The following PSD3 variants were observed in gnomAD, a reference collection of about 807,000 sequenced individuals.
The protein encoded by PSD3 is pleckstrin and Sec7 domain containing 3, also known as PH and SEC7 domain-containing protein 3.
Under a neutral mutation model 105.5 loss-of-function variants are expected in PSD3, and 49 were observed. The ratio of observed to expected loss-of-function variants is 0.46; its 90% CI spans 0.37 to 0.59. PSD3 has a LOEUF of 0.59. PSD3 is among the 20% of genes least tolerant of loss of function. The pLI, the probability that PSD3 is intolerant of heterozygous loss-of-function variation, is 0.00. For missense variants in PSD3, 1,561 were observed against 1,263.8 expected (o/e 1.24, Z -3.57); for synonymous variants, 557 against 457.8 (o/e 1.22, Z -2.77).
intron 12 of PSD3, among the ~76,000 whole-genome samples, chr8:18,599,330 C>T (rs1482553678): frequency 6.6e-6 from 1 of 152,110 alleles, no homozygotes; most frequent in Admixed American, 6.6e-5. Context: ...CTTTGGAAAA[C>T]CATATGGAGT....
intron 15 of PSD3, among the ~76,000 whole-genome samples, chr8:18,538,614 G>A (rs188042040): frequency 3.9e-5 from 6 of 152,252 alleles, no homozygotes; most frequent in East Asian, 1.9e-4. Flanking sequence ...AAGCTGGAGC[G>A]TTGACACAAT....
chr8:18,714,075 C>A (rs1802423739), intron 9 of PSD3, among the ~76,000 whole-genome samples: 1 of 152,130 alleles, frequency 6.6e-6, no homozygotes, highest in Non-Finnish European at 1.5e-5. Context: ...ACTGGCTAGC[C>A]ATATGCATAA....
At chr8:18,730,931 A>G (rs996075465) in intron 9 of PSD3, among the ~76,000 whole-genome samples, 1 of 152,194 alleles carries the variant, frequency 6.6e-6, no homozygotes, top group Non-Finnish European at 1.5e-5. Flanking sequence ...GTACCTAGCT[A>G]AGGTCGAAAG....
intron 9 of PSD3, among the ~76,000 whole-genome samples, chr8:18,729,708 C>T (rs1386301793): frequency 2.6e-5 from 4 of 152,162 alleles, no homozygotes; most frequent in African/African-American, 4.8e-5. Flanking sequence ...AAATAGCTTG[C>T]ACTCTCTCTG....
intron 8 of PSD3, chr8:18,774,625 T>C (rs1464491813): frequency 5.2e-6 from 2 of 386,750 alleles, no homozygotes; most frequent in South Asian, 4.1e-5. Context: ...AGGTTCTCCC[T>C]ATGCTTGTTC....
intron 10 of PSD3, among the ~76,000 whole-genome samples, chr8:18,633,644 C>G (rs1051346361): frequency 1.3e-5 from 2 of 152,056 alleles, no homozygotes; most frequent in Non-Finnish European, 2.9e-5. Flanking sequence ...ACCATATTTT[C>G]TCTATCCAGT....
chr8:18,904,135 A>G (rs1586377991), intron 2 of PSD3, among the ~76,000 whole-genome samples: 1 of 152,182 alleles, frequency 6.6e-6, no homozygotes, highest in Non-Finnish European at 1.5e-5. Flanking sequence ...CTCATGGTAC[A>G]TGGCAAAGGG....
At chr8:18,583,443 A>T (rs193002386) in intron 12 of PSD3, among the ~76,000 whole-genome samples, 1 of 152,218 alleles carries the variant, frequency 6.6e-6, no homozygotes, top group Admixed American at 6.5e-5. Context: ...AAAAATAAGT[A>T]AAATAATCAG....
At chr8:18,650,504 T>C (rs1290544049) in intron 10 of PSD3, among the ~76,000 whole-genome samples, 2 of 152,254 alleles carry the variant, frequency 1.3e-5, no homozygotes, top group Non-Finnish European at 2.9e-5. Context: ...CTATATGACG[T>C]AGCAGAGACC....
chr8:18,766,379 C>A (rs142143330), intron 8 of PSD3, among the ~76,000 whole-genome samples: 2 of 152,072 alleles, frequency 1.3e-5, no homozygotes, highest in African/African-American at 4.8e-5. Context: ...CACATACATA[C>A]AATTTTACTG....
intron 1 of PSD3, among the ~76,000 whole-genome samples, chr8:19,049,651 A>G (rs1390798237): frequency 1.5e-5 from 2 of 136,130 alleles, no homozygotes; most frequent in African/African-American, 5.5e-5. Context: ...CGATTGCTCC[A>G]CTGCAGTCTA....
Position 19,077,880 on chromosome 8 carries a change from G to T in PSD3, c.324+6326C>A, listed in dbSNP as rs946421727. 1.6e-4 allele frequency among the ~76,000 whole-genome samples: 24 copies of T among 152,140 alleles called. 1 individual carries two copies. The highest frequency in any genetic ancestry group is 1.5e-5 in the Non-Finnish European group (1 of 68,032). The stretch of plus-strand genomic sequence containing the variant: ...CACCTTTTTGGTGTTCTGACTTCTG[G>T]AATACTGGGTCAGGAGTCCCAGAGA... On this transcript the variant is annotated intron_variant, in intron 1 of 1. Coordinates refer to the PSD3 transcript ENST00000521475.
chr8:18,783,329 T>C (rs1019155018), intron 8 of PSD3, among the ~76,000 whole-genome samples: 1 of 152,236 alleles, frequency 6.6e-6, no homozygotes, highest in Non-Finnish European at 1.5e-5. Context: ...ATTACTGATT[T>C]TAGTAATTTG....
At chr8:18,675,496 T>C (rs1336373305) in intron 9 of PSD3, among the ~76,000 whole-genome samples, 1 of 152,202 alleles carries the variant, frequency 6.6e-6, no homozygotes, top group Non-Finnish European at 1.5e-5. Context: ...TTTCATGTTG[T>C]AAAACTTAAC....
rs75988231 is a variant in PSD3 at position 19,057,263 on chromosome 8, G to A, written c.324+26943C>T. ...TCTACTCTTGTTCATAACCACTCTC[G>A]TTCACTCCAAGAGTGGTATACACAT... On this transcript the variant is annotated intron_variant, in intron 1 of 1. Coordinates refer to the PSD3 transcript ENST00000521475. 2.9e-3 allele frequency among the ~76,000 whole-genome samples: 437 copies of A among 152,004 alleles called. 4 individuals are homozygous for A. In the East Asian group the frequency reaches 0.049, roughly 17 times the overall value.
chr8:18,866,893 TACACACACAC>T (rs34045400), intron 4 of PSD3, among the ~76,000 whole-genome samples: 1 of 146,862 alleles, frequency 6.8e-6, no homozygotes, highest in East Asian at 2.0e-4. Context: ...CATACATACA[TACACACACAC>T]ACACACACAC....
chr8:18,842,664 C>T (rs1378920911), intron 4 of PSD3, among the ~76,000 whole-genome samples: 7 of 151,788 alleles, frequency 4.6e-5, no homozygotes, highest in African/African-American at 1.2e-4. Context: ...ACCCGGGATG[C>T]GGAGTTTGCA....
At chr8:18,565,088 G>A (rs1250812156) in intron 14 of PSD3, among the ~76,000 whole-genome samples, 1 of 152,134 alleles carries the variant, frequency 6.6e-6, no homozygotes, top group Non-Finnish European at 1.5e-5. Flanking sequence ...GGGATCTGGA[G>A]CCACCTGCCG....
intron 15 of PSD3, among the ~76,000 whole-genome samples, chr8:18,544,095 A>G (rs1250092406): frequency 6.6e-6 from 1 of 151,394 alleles, no homozygotes; most frequent in East Asian, 2.0e-4. Flanking sequence ...CAAAATGAGC[A>G]GAAAAGCAAT....
Sources: gnomAD v4.1 joint callset for allele counts (sites outside exome capture counted in the v4.1 genomes callset) on GRCh38, gnomAD v4.1.1 for gene constraint, MANE v1.5 for transcripts, NCBI Gene and HGNC (gene_info 2026-07-23, HGNC 2026-07-21) for gene names.